TAF1: variants seen among roughly 807,000 people sequenced by gnomAD.
The protein encoded by TAF1 is TATA-box binding protein associated factor 1, also known as transcription initiation factor TFIID subunit 1.
In TAF1, 2 loss-of-function variants were observed where a neutral mutation model predicts 138.5. That is an observed-to-expected ratio of 0.01 (90% confidence interval 0.01 to 0.05). TAF1 has a LOEUF of 0.05. Ranked by LOEUF, TAF1 falls within the 10% of genes least tolerant of loss-of-function variation. The pLI is 1.00. For missense variants in TAF1, 709 were observed against 1,478.0 expected, an observed-to-expected ratio of 0.48 and a Z score of 8.53; for synonymous variants, 437 against 503.2, an observed-to-expected ratio of 0.87 and a Z score of 1.76.
At chrX:71,478,713 A>G (rs1041085348) in intron 13 of TAF1, among the ~76,000 whole-genome samples, 3 of 111,848 alleles carry the variant, frequency 2.7e-5, no homozygotes, top group African/African-American at 9.7e-5. Flanking sequence ...TTAAATTCTG[A>G]AAAAAAATAT....
rs28382145 is a variant in TAF1, at chrX:71,366,461, C to G, written c.87C>G (p.Ala29=). 5,899 of 941,126 alleles carry G rather than the reference C, an allele frequency of 6.3e-3. 17 individuals carry two copies. Among genetic ancestry groups the G allele is most frequent in the Non-Finnish European group, 6.4e-3 (4,773 of 740,114 alleles). The allele number at this position is 941,126 out of a possible 1,213,427, so 77.6% of individuals were successfully genotyped here. Reference sequence around the variant, plus strand: ...TCCTTTTCGGCAACATCAATGGAGCCGGGCAGCTGGAGGGGGAAAGCGTCT... The same window carrying G: ...TCCTTTTCGGCAACATCAATGGAGCGGGGCAGCTGGAGGGGGAAAGCGTCT... The part of the protein sequence containing the change: ...AGFLFGNING[A]GQLEGESVLD... Residue 29 remains alanine (A), a synonymous_variant, in exon 1 of 38, where the codon GCC becomes GCG. Transcript: ENST00000423759.
intron 18 of TAF1, among the ~76,000 whole-genome samples, chrX:71,391,046 G>T (rs2034533787): frequency 9.1e-6 from 1 of 110,371 alleles, no homozygotes; most frequent in African/African-American, 3.3e-5. Flanking sequence ...TGCCCAGGCT[G>T]ATTTTGAACT....
intron 35 of TAF1, 125 bp from the exon 36 acceptor site, chrX:71,459,427 A>T (rs1678976028): frequency 9.6e-7 from 1 of 1,045,301 alleles, no homozygotes; most frequent in South Asian, 2.4e-5. Flanking sequence ...ATAATTACTT[A>T]ACTTCTTGTG....
intron 13 of TAF1, among the ~76,000 whole-genome samples, chrX:71,510,241 A>G (rs1352877669): frequency 9.0e-6 from 1 of 111,087 alleles, no homozygotes. Context: ...CTAAGCTTTC[A>G]GGAACAATGC....
At chrX:71,392,799 G>A (rs979121786) in intron 19 of TAF1, 76 bp from the exon 20 acceptor site, 5 of 1,196,676 alleles carry the variant, frequency 4.2e-6, no homozygotes, top group Admixed American at 2.3e-5. Flanking sequence ...TGTAGTTAAG[G>A]TAGCAGAATG....
In TAF1 at chrX:71,401,728, G is replaced by T; in HGVS notation, c.3987G>T (p.Gln1329His). The T allele has an allele frequency of 8.3e-7, 1 of 1,210,993 alleles. No homozygotes were observed. Residue 1329 changes from glutamine to histidine, a missense_variant, in exon 25 of 38, where the codon CAG becomes CAT. Around this residue, in one of 14 missense-constraint regions of TAF1, gnomAD observed 5 missense variants for 63.5 expected, o/e 0.08. Transcript: ENST00000423759. ...VEGTKIVLGK[Q>H]LIESADEVRR... The stretch of plus-strand genomic sequence containing the variant: ...GGACCAAAATTGTCTTGGGGAAACA[G>T]CTAATTGAGAGGTAAGAGATACCAG...
intron 13 of TAF1, among the ~76,000 whole-genome samples, chrX:71,505,380 G>A (rs1419089806): frequency 1.8e-5 from 2 of 111,142 alleles, no homozygotes; most frequent in African/African-American, 6.5e-5. Context: ...AGTAAAAGCA[G>A]TGGAGAAACC....
At chrX:71,483,798 A>G (rs1389747335) in intron 13 of TAF1, among the ~76,000 whole-genome samples, 3 of 97,306 alleles carry the variant, frequency 3.1e-5, no homozygotes, top group African/African-American at 1.2e-4. Flanking sequence ...ATATATATAT[A>G]TATATACACA....
At chrX:71,426,095 GAAAAA>G (rs966559126) in intron 32 of TAF1, among the ~76,000 whole-genome samples, 1 of 96,295 alleles carries the variant, frequency 1.0e-5, no homozygotes, top group Non-Finnish European at 2.1e-5. Flanking sequence ...CCCCATCTCA[GAAAAA>G]AAAAAAAAGT....
At chrX:71,491,379 G>A (rs1032046655) in intron 13 of TAF1, among the ~76,000 whole-genome samples, 2 of 110,596 alleles carry the variant, frequency 1.8e-5, no homozygotes, top group Admixed American at 9.7e-5. Flanking sequence ...GCAAACAGTG[G>A]GAAAAACAGG....
At chrX:71,459,025 G>C in intron 35 of TAF1, 1 of 371,327 alleles carries the variant, frequency 2.7e-6, no homozygotes, top group Non-Finnish European at 4.5e-6. Flanking sequence ...TGTCTAAACA[G>C]CCCCCACTAG....
At chrX:71,529,400 C>T (rs2040061909) in intron 14 of TAF1, 1 of 169,966 alleles carries the variant, frequency 5.9e-6, no homozygotes, top group East Asian at 1.8e-4. Flanking sequence ...CTGATTGGTG[C>T]ATTTACAATC....
At chrX:71,510,204 G>T (rs1286303551) in intron 13 of TAF1, among the ~76,000 whole-genome samples, 2 of 110,658 alleles carry the variant, frequency 1.8e-5, no homozygotes, top group Non-Finnish European at 3.8e-5. Context: ...CACAATTGTT[G>T]GGAGAGCTGG....
intron 3 of TAF1, among the ~76,000 whole-genome samples, chrX:71,373,018 C>T (rs1480431431): frequency 9.1e-6 from 1 of 109,815 alleles, no homozygotes; most frequent in African/African-American, 3.3e-5. Context: ...AGGCACCCAC[C>T]ACCAGGCCAG....
At chrX:71,388,000 TGAGGCAGGAAAATCACTGGAGCCCGG>T (rs2034341585) in intron 15 of TAF1, among the ~76,000 whole-genome samples, 1 of 110,824 alleles carries the variant, frequency 9.0e-6, no homozygotes, top group South Asian at 3.7e-4. Flanking sequence ...CTCTGGAGGC[TGAGGCAGGAAAATCACTGGAGCCCGG>T]GAGGCAGAGG....
rs779601060 is a variant in TAF1, at chrX:71,377,229, G to T, written c.714+38G>T. 8 of 1,202,419 alleles carry T rather than the reference G, an allele frequency of 6.7e-6. No homozygotes were observed. The South Asian group carries it at 1.4e-4, about 22-fold the overall frequency. ...GAGAATGCTCAGATTGCAAACCACT[G>T]ACCTCTTCCAAATAATGAGTTTTGT... is the stretch of plus-strand genomic sequence containing the variant. On this transcript the variant is annotated intron_variant, in intron 5 of 37. Transcript: ENST00000423759.
chrX:71,463,845 T>C lies in TAF1; in HGVS notation c.5421T>C (p.Pro1807=). Residue 1807 remains proline (P), a synonymous_variant, in exon 38 of 38, where the codon CCT becomes CCC. Coordinates refer to ENST00000423759, the MANE Select transcript of TAF1 (RefSeq NM_004606.5). Reference sequence around the variant, plus strand: ...TCAGTTATGGGAGCTATGAGGAGCCTGATCCCAAGTCGAACACCCAAGACA... The same window carrying C: ...TCAGTTATGGGAGCTATGAGGAGCCCGATCCCAAGTCGAACACCCAAGACA... ...SNISYGSYEE[P]DPKSNTQDTS... The C allele has an allele frequency of 8.3e-7, 1 of 1,210,671 alleles. No homozygotes were observed.
chrX:71,455,748 C>T (rs116375938), intron 34 of TAF1, among the ~76,000 whole-genome samples: 1,784 of 112,181 alleles, frequency 0.016, 30 homozygotes, highest in African/African-American at 0.056. Flanking sequence ...TTCTCTGAGA[C>T]CCTTTCAAAT....
intron 17 of TAF1, 130 bp downstream of exon 17, chrX:71,388,998 C>A: frequency 1.3e-6 from 1 of 796,024 alleles, no homozygotes; most frequent in Non-Finnish European, 1.7e-6. Context: ...TAGATTATTA[C>A]CAATTACTAA....
Sources: gnomAD v4.1 joint callset for allele counts (sites outside exome capture counted in the v4.1 genomes callset) on GRCh38, gnomAD v4.1.1 for gene constraint, gnomAD v4.1.1 regional missense constraint, MANE v1.5 for transcripts, NCBI Gene and HGNC (gene_info 2026-07-23, HGNC 2026-07-21) for gene names.